DPYD: variants seen among roughly 807,000 people sequenced by gnomAD.
The protein encoded by DPYD is dihydropyrimidine dehydrogenase [NADP(+)].
Under a neutral mutation model 116.2 loss-of-function variants are expected in DPYD, and 109 were observed. That is an observed-to-expected ratio of 0.94 (90% CI 0.80 to 1.10). DPYD has a LOEUF of 1.10. DPYD is among the 50% of genes least tolerant of loss of function. The pLI is 0.00. For missense variants in DPYD, 1,302 were observed against 1,254.5 expected, an observed-to-expected ratio of 1.04 and a Z score of -0.57; for synonymous variants, 440 against 432.0, an observed-to-expected ratio of 1.02 and a Z score of -0.23.
At chr1:97,708,524 A>G (rs1304553094) in intron 5 of DPYD, among the ~76,000 whole-genome samples, 1 of 152,078 alleles carries the variant, frequency 6.6e-6, no homozygotes, top group Non-Finnish European at 1.5e-5. Flanking sequence ...TTATTTTAAC[A>G]ATATCACACT....
chr1:97,233,723 C>T (rs1454216478), intron 19 of DPYD, among the ~76,000 whole-genome samples: 3 of 152,012 alleles, frequency 2.0e-5, no homozygotes, highest in Non-Finnish European at 2.9e-5. Flanking sequence ...GGAAAAAAAT[C>T]GCAGGAAACT....
intron 3 of DPYD, among the ~76,000 whole-genome samples, chr1:97,754,424 C>T (rs1011918125): frequency 2.0e-5 from 3 of 152,148 alleles, no homozygotes; most frequent in African/African-American, 4.8e-5. Context: ...AAAATTCCCT[C>T]CACTATGCTC....
intron 8 of DPYD, among the ~76,000 whole-genome samples, chr1:97,670,765 C>T (rs1023436638): frequency 2.0e-5 from 3 of 152,094 alleles, no homozygotes; most frequent in African/African-American, 7.2e-5. Flanking sequence ...TGAAAGACAA[C>T]ATTTTTCTTA....
intron 16 of DPYD, among the ~76,000 whole-genome samples, chr1:97,367,833 G>A (rs551717454): frequency 2.0e-4 from 30 of 152,224 alleles, no homozygotes; most frequent in Non-Finnish European, 4.0e-4. Context: ...CATCTTTGTA[G>A]CCTCTTGGAA....
intron 3 of DPYD, among the ~76,000 whole-genome samples, chr1:97,751,460 G>GTGTGTGTGTGTATATA (rs763260651): frequency 9.4e-5 from 2 of 21,290 alleles, no homozygotes; most frequent in East Asian, 3.5e-3. Flanking sequence ...GTGTGTGTGT[G>GTGTGTGTGTGTATATA]TATATATATA....
chr1:97,900,995 T>G (rs191988604), intron 1 of DPYD, among the ~76,000 whole-genome samples: 22 of 151,996 alleles, frequency 1.4e-4, no homozygotes, highest in Admixed American at 5.3e-4. Flanking sequence ...TTATAATGTC[T>G]TTTATTCGAA....
intron 16 of DPYD, among the ~76,000 whole-genome samples, chr1:97,313,563 C>T (rs1297799412): frequency 1.3e-5 from 2 of 151,556 alleles, no homozygotes; most frequent in Non-Finnish European, 1.5e-5. Flanking sequence ...GACATAGACC[C>T]ACCTGTGTGT....
At chr1:97,155,369 T>C (rs1336336340) in intron 20 of DPYD, among the ~76,000 whole-genome samples, 1 of 152,198 alleles carries the variant, frequency 6.6e-6, no homozygotes, top group Non-Finnish European at 1.5e-5. Flanking sequence ...TGTTGTTCCC[T>C]GGATTCTGTA....
chr1:97,809,676 T>C (rs895875995), intron 3 of DPYD, among the ~76,000 whole-genome samples: 2 of 152,076 alleles, frequency 1.3e-5, no homozygotes, highest in Admixed American at 6.5e-5. Flanking sequence ...TGAGGTACCA[T>C]GTAGTATACA....
chr1:97,188,555 A>G (rs182646116), intron 20 of DPYD, among the ~76,000 whole-genome samples: 6 of 152,310 alleles, frequency 3.9e-5, no homozygotes, highest in African/African-American at 1.4e-4. Flanking sequence ...AAGATATACA[A>G]TTAAAGAAAA....
intron 22 of DPYD, among the ~76,000 whole-genome samples, chr1:97,081,669 T>A (rs1372931443): frequency 2.6e-5 from 4 of 151,060 alleles, no homozygotes; most frequent in African/African-American, 4.9e-5. Flanking sequence ...CTAGAAGGAG[T>A]CAAATCCCCA....
In DPYD at chr1:97,247,956, A is replaced by G. The variant is rs528683291; in HGVS notation, c.2300-12962T>C. On this transcript the variant is annotated intron_variant, in intron 18 of 22. Transcript: ENST00000370192. ...TAAAGGAAGGAATAATACCGATCTTACACAAACTCTTGTAGAAGATAGAGG... is the reference window on the plus strand; with the variant it reads ...TAAAGGAAGGAATAATACCGATCTTGCACAAACTCTTGTAGAAGATAGAGG... Among the ~76,000 whole-genome samples, 4 of 152,360 alleles carry G rather than the reference A, an allele frequency of 2.6e-5. No individual in the cohort carries two copies. The South Asian group carries it at 8.3e-4, about 32-fold the overall frequency.
At chr1:97,397,599 A>C (rs4363450) in intron 14 of DPYD, among the ~76,000 whole-genome samples, 11,206 of 152,080 alleles carry the variant, frequency 0.074, 507 homozygotes, top group African/African-American at 0.12. Flanking sequence ...CCAGAATGTC[A>C]TATAATTGGA....
At chr1:97,868,215 TGAA>T (rs1671486888) in intron 2 of DPYD, among the ~76,000 whole-genome samples, 1 of 151,720 alleles carries the variant, frequency 6.6e-6, no homozygotes, top group Admixed American at 6.6e-5. Context: ...AGAAAACAAT[TGAA>T]GAAGAGAAAC....
intron 8 of DPYD, among the ~76,000 whole-genome samples, chr1:97,643,549 T>C (rs1005268753): frequency 1.3e-5 from 2 of 152,142 alleles, no homozygotes; most frequent in Admixed American, 1.3e-4. Flanking sequence ...TATCAAGAAC[T>C]GGAAATACCA....
chr1:97,864,245 A>G (rs1671261058), intron 2 of DPYD, among the ~76,000 whole-genome samples: 1 of 151,978 alleles, frequency 6.6e-6, no homozygotes, highest in African/African-American at 2.4e-5. Flanking sequence ...GATTAATTGA[A>G]AGAAAAAAGG....
chr1:97,672,032 C>T (rs1189039683), intron 8 of DPYD, among the ~76,000 whole-genome samples: 2 of 150,914 alleles, frequency 1.3e-5, no homozygotes, highest in African/African-American at 2.4e-5. Flanking sequence ...GCAACCTCCC[C>T]TTCCCACGCT....
intron 10 of DPYD, among the ~76,000 whole-genome samples, chr1:97,592,211 T>C (rs1358124336): frequency 6.6e-6 from 1 of 152,226 alleles, no homozygotes; most frequent in Non-Finnish European, 1.5e-5. Context: ...TATAAATACA[T>C]TTGGTTCTTG....
Position 97,225,157 on chromosome 1 carries a change from T to A in DPYD, c.2442+9695A>T, listed in dbSNP as rs565561381. Among the ~76,000 whole-genome samples, 9 of 152,176 alleles carry A rather than the reference T, an allele frequency of 5.9e-5. No homozygotes were observed. The East Asian group carries it at 1.7e-3, about 29-fold the overall frequency. On this transcript the variant is annotated intron_variant, in intron 19 of 22. Transcript: ENST00000370192. The stretch of plus-strand genomic sequence containing the variant: ...CACATCGTAGTTCTGTTTTTAATTT[T>A]TTGAGGAACCTCCATATTGTTTTCC...
Sources: allele counts gnomAD v4.1 joint callset (sites outside exome capture counted in the v4.1 genomes callset), GRCh38; gene constraint gnomAD v4.1.1; transcripts MANE v1.5; gene names NCBI Gene and HGNC (gene_info 2026-07-23, HGNC 2026-07-21).